The following CSMD1 variants were observed in gnomAD, a reference collection of about 807,000 sequenced individuals.
CSMD1 encodes the protein CUB and Sushi multiple domains 1.
In CSMD1, 213 loss-of-function variants were observed where a neutral mutation model predicts 417.5. The ratio of observed to expected loss-of-function variants is 0.51; its 90% CI spans 0.46 to 0.57. The LOEUF (loss-of-function observed/expected upper bound fraction) is 0.57. Among genes scored for constraint, CSMD1 ranks in the 20% least tolerant of loss-of-function variants. The pLI is 0.00. For synonymous variants in CSMD1, 2,862 were observed against 1,736.8 expected (o/e 1.65, Z -16.11); for missense variants, 6,923 against 4,529.7 (o/e 1.53, Z -15.17).
At chr8:4,314,184 G>C (rs557818756) in intron 3 of CSMD1, among the ~76,000 whole-genome samples, 21 of 151,976 alleles carry the variant, frequency 1.4e-4, no homozygotes, top group African/African-American at 4.3e-4. Context: ...TCATTCCTTG[G>C]TTCCCTCATT....
intron 1 of CSMD1, among the ~76,000 whole-genome samples, chr8:4,939,229 T>G (rs939271908): frequency 7.9e-5 from 12 of 152,194 alleles, no homozygotes; most frequent in African/African-American, 2.9e-4. Context: ...AAAGCAAATA[T>G]GGAAAATTAT....
chr8:4,589,145 G>A (rs961569180), intron 2 of CSMD1, among the ~76,000 whole-genome samples: 1 of 152,180 alleles, frequency 6.6e-6, no homozygotes, highest in African/African-American at 2.4e-5. Context: ...AATTTTCATT[G>A]CTCTCAATGA....
At chr8:4,690,412 T>C (rs1257298281) in intron 1 of CSMD1, among the ~76,000 whole-genome samples, 1 of 152,176 alleles carries the variant, frequency 6.6e-6, no homozygotes, top group Non-Finnish European at 1.5e-5. Context: ...AATTTCAGAA[T>C]ATTCAACAGC....
rs184045967 is a variant in CSMD1, at chr8:3,894,618, G to A, written c.818+103285C>T. ...ATGGGGCTATTTACAGAAAATAAAT[G>A]CTCAGTGCTAAGGCTAAACAAGACT... On this transcript the variant is annotated intron_variant, in intron 5 of 69. Transcript: ENST00000635120. Among the ~76,000 whole-genome samples the A allele has an allele frequency of 3.5e-4, 54 of 152,268 alleles. 1 individual carries two copies. The highest frequency in any genetic ancestry group is 1.3e-3 in the African/African-American group (52 of 41,560).
chr8:4,088,765 C>A (rs141396154), intron 3 of CSMD1, among the ~76,000 whole-genome samples: 1 of 152,116 alleles, frequency 6.6e-6, no homozygotes, highest in African/African-American at 2.4e-5. Flanking sequence ...TTTATTCCAA[C>A]AGCCTCAGCT....
At chr8:4,208,577 C>G (rs779524380) in intron 3 of CSMD1, among the ~76,000 whole-genome samples, 8 of 152,022 alleles carry the variant, frequency 5.3e-5, no homozygotes, top group African/African-American at 1.9e-4. Context: ...ATTCTATTTT[C>G]TTTTTCCTAC....
intron 1 of CSMD1, among the ~76,000 whole-genome samples, chr8:4,991,150 T>G (rs1340726402): frequency 6.6e-6 from 1 of 152,130 alleles, no homozygotes; most frequent in East Asian, 1.9e-4. Flanking sequence ...AAACAGCCAG[T>G]AGATCAGCCC....
chr8:4,440,878 T>TC (rs1798428699), intron 2 of CSMD1, among the ~76,000 whole-genome samples: 1 of 151,332 alleles, frequency 6.6e-6, no homozygotes, highest in South Asian at 2.1e-4. Context: ...ATGCCTATAG[T>TC]CCCAGCTACT....
intron 4 of CSMD1, among the ~76,000 whole-genome samples, chr8:4,002,832 C>T (rs1035442178): frequency 6.6e-6 from 1 of 152,086 alleles, no homozygotes; most frequent in South Asian, 2.1e-4. Context: ...TACAAAATAC[C>T]TGTTACACAA....
intron 4 of CSMD1, among the ~76,000 whole-genome samples, chr8:4,008,759 C>T (rs1219360738): frequency 2.0e-5 from 3 of 151,586 alleles, no homozygotes; most frequent in Admixed American, 6.6e-5. Flanking sequence ...TACAGGCATC[C>T]GGCACCACGC....
chr8:3,227,825 T>C (rs1483133199), intron 27 of CSMD1, among the ~76,000 whole-genome samples: 1 of 151,644 alleles, frequency 6.6e-6, no homozygotes, highest in Non-Finnish European at 1.5e-5. Flanking sequence ...TGGAGTGCAG[T>C]GGTGCGATCT....
At chr8:3,509,889 T>G (rs1340126781) in intron 10 of CSMD1, among the ~76,000 whole-genome samples, 1 of 152,122 alleles carries the variant, frequency 6.6e-6, no homozygotes, top group African/African-American at 2.4e-5. Context: ...AAAGGGGAAC[T>G]CATGCCCCAG....
chr8:3,368,361 G>C (rs565211215), intron 19 of CSMD1, among the ~76,000 whole-genome samples: 3 of 152,234 alleles, frequency 2.0e-5, no homozygotes, highest in Non-Finnish European at 4.4e-5. Context: ...TTTTGAGATA[G>C]AGTCTCGCTC....
intron 6 of CSMD1, among the ~76,000 whole-genome samples, chr8:3,727,545 A>C (rs1041800960): frequency 2.0e-5 from 3 of 152,186 alleles, no homozygotes; most frequent in African/African-American, 7.2e-5. Context: ...TGTCGTGAAA[A>C]AACAGTATGG....
chr8:3,889,928 G>C (rs896955349), intron 5 of CSMD1, among the ~76,000 whole-genome samples: 2 of 152,134 alleles, frequency 1.3e-5, no homozygotes, highest in African/African-American at 4.8e-5. Context: ...CATGCCCGTA[G>C]TCTCAGACGG....
At chr8:4,125,762 C>G (rs1056665365) in intron 3 of CSMD1, among the ~76,000 whole-genome samples, 2 of 152,068 alleles carry the variant, frequency 1.3e-5, no homozygotes, top group South Asian at 4.2e-4. Context: ...TGTTTACAGC[C>G]CTTATCAACT....
At chr8:4,205,667 C>T (rs1369487525) in intron 3 of CSMD1, among the ~76,000 whole-genome samples, 3 of 151,956 alleles carry the variant, frequency 2.0e-5, no homozygotes, top group Admixed American at 6.6e-5. Context: ...GCTGTTGTGG[C>T]TCATTTGGGA....
intron 5 of CSMD1, among the ~76,000 whole-genome samples, chr8:3,838,177 G>A (rs1802828361): frequency 6.6e-6 from 1 of 152,032 alleles, no homozygotes; most frequent in Non-Finnish European, 1.5e-5. Flanking sequence ...AAATGAATCA[G>A]ACACAGACCC....
At chr8:3,607,468 C>G (rs1490788994) in intron 8 of CSMD1, among the ~76,000 whole-genome samples, 3 of 152,196 alleles carry the variant, frequency 2.0e-5, no homozygotes, top group Non-Finnish European at 4.4e-5. Context: ...CATTGATTCT[C>G]ATTATCAAGT....
Sources: gnomAD v4.1 joint callset for allele counts (sites outside exome capture counted in the v4.1 genomes callset) on GRCh38, gnomAD v4.1.1 for gene constraint, MANE v1.5 for transcripts, NCBI Gene and HGNC (gene_info 2026-07-23, HGNC 2026-07-21) for gene names.